Variants in COTL1 observed in about 807,000 individuals in gnomAD.
The protein encoded by COTL1 is coactosin like F-actin binding protein 1.
Under a neutral mutation model 16.5 loss-of-function variants are expected in COTL1, and 15 were observed. The observed-to-expected ratio is 0.91, with a 90% CI of 0.61 to 1.40. The LOEUF (loss-of-function observed/expected upper bound fraction) is 1.40, where lower values mean the gene tolerates loss of function less well. Among genes scored for constraint, COTL1 ranks in the 40% most tolerant of loss-of-function variants. The pLI, the probability that COTL1 is intolerant of heterozygous loss-of-function variation, is 0.00. For synonymous variants in COTL1, 112 were observed against 85.3 expected (o/e 1.31, Z -1.73); for missense variants, 220 against 201.5 (o/e 1.09, Z -0.56).
chr16:84,575,907 C>G (rs897946326), intron 3 of COTL1: 1 of 152,220 alleles, frequency 6.6e-6, no homozygotes, highest in Non-Finnish European at 1.5e-5. Context: ...GATGAGAACA[C>G]CTGGTACAAA....
Position 84,617,944 on chromosome 16 carries a change from G to A in COTL1, c.-30C>T, listed in dbSNP as rs1018155727. ...GCGGAGCCGCAGCGGGACACTGTCC[G>A]GGGCGGCCGAGCGCGCCCCTGGCCG... is the stretch of plus-strand genomic sequence containing the variant. On this transcript the variant is annotated 5_prime_UTR_variant, in exon 1 of 4. Transcript: ENST00000262428. The A allele has an allele frequency of 9.9e-6, 15 of 1,511,696 alleles. No homozygotes were observed. The highest frequency in any genetic ancestry group is 1.3e-5 in the Non-Finnish European group (15 of 1,128,812). The allele number at this position is 1,511,696 out of a possible 1,614,324, so 93.6% of individuals were successfully genotyped here. A position where few individuals can be genotyped will look rare whatever the true frequency, so the allele number is the denominator to read the frequency against.
At chr16:84,606,326 G>C (rs1156786374) in intron 2 of COTL1, among the ~76,000 whole-genome samples, 4 of 152,204 alleles carry the variant, frequency 2.6e-5, no homozygotes, top group Non-Finnish European at 5.9e-5. Flanking sequence ...TTGGAGGAGG[G>C]GACGGCGGGC....
At chr16:84,589,969 G>C (rs1354678784) in intron 3 of COTL1, 136 bp downstream of exon 3, 14 of 798,096 alleles carry the variant, frequency 1.8e-5, no homozygotes, top group Non-Finnish European at 2.3e-5. Flanking sequence ...GGCTTTACTG[G>C]TGCAGAGACA....
chr16:84,581,833 G>A (rs578180658), intron 3 of COTL1, among the ~76,000 whole-genome samples: 7 of 151,920 alleles, frequency 4.6e-5, no homozygotes, highest in Admixed American at 3.9e-4. Context: ...CAGAAGCAGA[G>A]ATTTGGAAAT....
At chr16:84,576,942 C>G (rs773307336) in intron 3 of COTL1, 10 of 152,210 alleles carry the variant, frequency 6.6e-5, no homozygotes, top group Non-Finnish European at 1.5e-4. Context: ...ATGAATGTGT[C>G]TTTTCCACAA....
chr16:84,592,632 C>T (rs1421114216), intron 2 of COTL1, among the ~76,000 whole-genome samples: 1 of 151,498 alleles, frequency 6.6e-6, no homozygotes, highest in Non-Finnish European at 1.5e-5. Flanking sequence ...TGCGTTTCTT[C>T]CTAGAATCTA....
intron 3 of COTL1, chr16:84,567,817 T>G (rs1904305081): frequency 6.6e-6 from 1 of 152,138 alleles, no homozygotes; most frequent in Admixed American, 6.5e-5. Flanking sequence ...CAGACACCCT[T>G]AAGCCATGAT....
chr16:84,579,128 C>T (rs926803415), intron 3 of COTL1, among the ~76,000 whole-genome samples: 2 of 152,206 alleles, frequency 1.3e-5, no homozygotes, highest in African/African-American at 4.8e-5. Flanking sequence ...GAGGTGTGCA[C>T]ACACACAAAA....
intron 2 of COTL1, among the ~76,000 whole-genome samples, chr16:84,599,348 G>GT (rs1417761381): frequency 6.6e-6 from 1 of 152,218 alleles, no homozygotes; most frequent in Non-Finnish European, 1.5e-5. Context: ...TTTTGCAAAT[G>GT]TTTTGAACAA....
chr16:84,590,388 T>A lies in COTL1; in HGVS notation c.161-126A>T, dbSNP rs1904835335. On this transcript the variant is annotated intron_variant, in intron 2 of 3. Coordinates refer to ENST00000262428, the MANE Select transcript of COTL1 (RefSeq NM_021149.5). The surrounding 1 kb of genome is among the most constrained non-coding windows in gnomAD (Gnocchi z 5.5). ...ACAGCAGGAGACCGGTGCAGTTCCC[T>A]GGGAGCACCATGTGCAGAGGACAGG... The A allele has an allele frequency of 9.5e-7, 1 of 1,057,532 alleles. No individual in the cohort carries two copies. The highest frequency in any genetic ancestry group is 1.4e-6 in the Non-Finnish European group (1 of 733,914). The allele number at this position is 1,057,532 out of a possible 1,614,324, so 65.5% of individuals were successfully genotyped here.
chr16:84,569,762 C>G (rs909451199), intron 3 of COTL1, among the ~76,000 whole-genome samples: 1 of 152,052 alleles, frequency 6.6e-6, no homozygotes, highest in South Asian at 2.1e-4. Context: ...GATGTAAGAG[C>G]CAGAAAGGAG....
intron 2 of COTL1, among the ~76,000 whole-genome samples, chr16:84,606,746 G>A (rs1042964662): frequency 6.6e-6 from 1 of 152,180 alleles, no homozygotes; most frequent in Non-Finnish European, 1.5e-5. Flanking sequence ...ACCAATGGGG[G>A]ATAAGAGTCG....
At chr16:84,612,570 G>C (rs1045368994) in intron 2 of COTL1, among the ~76,000 whole-genome samples, 7 of 152,208 alleles carry the variant, frequency 4.6e-5, no homozygotes, top group Admixed American at 3.9e-4. Flanking sequence ...ATCACCTGAG[G>C]TCAGGAGTTT....
At chr16:84,609,224 G>A (rs1905271747) in intron 2 of COTL1, among the ~76,000 whole-genome samples, 2 of 152,208 alleles carry the variant, frequency 1.3e-5, no homozygotes, top group African/African-American at 4.8e-5. Flanking sequence ...ATACGCAGAG[G>A]TCATGGACAG....
chr16:84,593,604 C>T (rs554610747), intron 2 of COTL1, among the ~76,000 whole-genome samples: 5 of 152,160 alleles, frequency 3.3e-5, no homozygotes, highest in Non-Finnish European at 4.4e-5. Context: ...CTCCGCCTCC[C>T]GGGTTCACAC....
At chr16:84,614,447 TGAG>T (rs1905418147) in intron 2 of COTL1, among the ~76,000 whole-genome samples, 1 of 133,518 alleles carries the variant, frequency 7.5e-6, no homozygotes, top group African/African-American at 2.9e-5. Context: ...TGGGAAGAAA[TGAG>T]GAGGGGAGGC....
intron 2 of COTL1, among the ~76,000 whole-genome samples, chr16:84,591,823 C>CAAATAAAATAAAATAAAATG: frequency 8.3e-6 from 1 of 120,700 alleles, no homozygotes; most frequent in Admixed American, 8.2e-5. Flanking sequence ...GACCCTGTCT[C>CAAATAAAATAAAATAAAATG]AAATAAAATA....
At chr16:84,617,200 T>C (rs1356325117) in intron 2 of COTL1, among the ~76,000 whole-genome samples, 2 of 152,034 alleles carry the variant, frequency 1.3e-5, no homozygotes, top group African/African-American at 2.4e-5. Flanking sequence ...CACTGGAGTT[T>C]GGAAACACAG....
intron 3 of COTL1, among the ~76,000 whole-genome samples, chr16:84,570,954 CT>C (rs59583914): frequency 0.59 from 87,581 of 147,610 alleles, 25,959 homozygotes; most frequent in Middle Eastern, 0.73. Context: ...CTCATTCCTG[CT>C]TTTTTTTTTT....
Sources: gnomAD v4.1 joint callset for allele counts (sites outside exome capture counted in the v4.1 genomes callset) on GRCh38, gnomAD v4.1.1 for gene constraint, Gnocchi (gnomAD v3.1) non-coding constraint, MANE v1.5 for transcripts, NCBI Gene and HGNC (gene_info 2026-07-23, HGNC 2026-07-21) for gene names.